The following PLCG2 variants were observed in gnomAD, a reference collection of about 807,000 sequenced individuals.
PLCG2 encodes the protein 1-phosphatidylinositol 4,5-bisphosphate phosphodiesterase gamma-2.
Under a neutral mutation model 175.6 loss-of-function variants are expected in PLCG2, and 69 were observed. That is an observed-to-expected ratio of 0.39 (90% CI 0.32 to 0.48). The LOEUF is 0.48. Among genes scored for constraint, PLCG2 ranks in the 20% least tolerant of loss-of-function variants. PLCG2 has a pLI of 0.91. For synonymous variants in PLCG2, 827 were observed against 624.0 expected, an observed-to-expected ratio of 1.33 and a Z score of -4.85; for missense variants, 1,798 against 1,650.9, an observed-to-expected ratio of 1.09 and a Z score of -1.54.
chr16:81,868,514 C>T (rs952938617), intron 5 of PLCG2, among the ~76,000 whole-genome samples: 1 of 152,190 alleles, frequency 6.6e-6, no homozygotes, highest in African/African-American at 2.4e-5. Flanking sequence ...TTTGGTTCCT[C>T]TGGGTGGCAG....
upstream of PLCG2, among the ~76,000 whole-genome samples, chr16:81,775,675 C>T (rs1020959551): frequency 3.3e-5 from 5 of 152,148 alleles, no homozygotes; most frequent in African/African-American, 9.7e-5. Flanking sequence ...CATTTGTATG[C>T]CCAAGGACTG....
intron 31 of PLCG2, among the ~76,000 whole-genome samples, chr16:81,950,584 T>C (rs1911327583): frequency 6.6e-6 from 1 of 152,252 alleles, no homozygotes; most frequent in African/African-American, 2.4e-5. Flanking sequence ...TATTTTCTTC[T>C]GTCTCAAACT....
intron 6 of PLCG2, among the ~76,000 whole-genome samples, chr16:81,870,647 C>T (rs562519515): frequency 6.6e-5 from 10 of 152,204 alleles, no homozygotes; most frequent in African/African-American, 2.2e-4. Context: ...TGATTTTAGC[C>T]AATGTTGTAG....
At chr16:81,938,780 T>A in intron 28 of PLCG2, 21 bp from the exon 29 acceptor site, 1 of 1,511,812 alleles carries the variant, frequency 6.6e-7, no homozygotes, top group Non-Finnish European at 9.2e-7. Flanking sequence ...GGGGTTCCAA[T>A]GCTTCCCTTT....
chr16:81,875,521 T>C lies in PLCG2; in HGVS notation c.648+4586T>C, dbSNP rs111241223. 4.9e-3 allele frequency among the ~76,000 whole-genome samples: 745 copies of C among 152,286 alleles called. 7 individuals are homozygous for C. Among genetic ancestry groups the C allele is most frequent in the African/African-American group, 0.017 (712 of 41,570 alleles). ...GTAAAGCATATAGAAGTAGAGAGAA[T>C]AGCGTAACAGACCCCCATGTATCAT... On this transcript the variant is annotated intron_variant, in intron 7 of 32. Coordinates refer to ENST00000564138, the MANE Select transcript of PLCG2 (RefSeq NM_002661.5).
At chr16:81,885,366 G>A (rs370733999) in intron 9 of PLCG2, among the ~76,000 whole-genome samples, 2 of 152,076 alleles carry the variant, frequency 1.3e-5, no homozygotes, top group East Asian at 3.9e-4. Context: ...ATTTCCCCAT[G>A]TTGCTCAGGC....
At chr16:81,768,517 A>G (rs367873921) in intron 2 of PLCG2, among the ~76,000 whole-genome samples, 3 of 144,150 alleles carry the variant, frequency 2.1e-5, no homozygotes, top group Non-Finnish European at 4.5e-5. Context: ...CCACCAGTGG[A>G]TCCACATCCT....
chr16:81,783,491 T>G (rs1340467554), intron 1 of PLCG2, among the ~76,000 whole-genome samples: 1 of 152,136 alleles, frequency 6.6e-6, no homozygotes, highest in African/African-American at 2.4e-5. Context: ...GGCAAATCAG[T>G]TAATATCTGG....
intron 6 of PLCG2, 77 bp downstream of exon 6, chr16:81,869,375 T>A: frequency 9.7e-7 from 1 of 1,032,550 alleles, no homozygotes; most frequent in Non-Finnish European, 1.5e-6. Context: ...GTGGCTTGCC[T>A]TTGAGTTCCG....
intron 28 of PLCG2, chr16:81,938,598 G>C: frequency 1.7e-6 from 1 of 576,398 alleles, no homozygotes; most frequent in Non-Finnish European, 3.1e-6. Flanking sequence ...CCGAGACCCA[G>C]GCTGATGCTG....
chr16:81,954,075 T>G (rs1259377688), intron 31 of PLCG2, among the ~76,000 whole-genome samples: 2 of 152,124 alleles, frequency 1.3e-5, no homozygotes, highest in Admixed American at 1.3e-4. Flanking sequence ...CAGGCTGGAG[T>G]ACAGTGGCAT....
chr16:81,943,930 T>A (rs1377123023), intron 30 of PLCG2, among the ~76,000 whole-genome samples: 1 of 152,202 alleles, frequency 6.6e-6, no homozygotes, highest in Admixed American at 6.5e-5. Flanking sequence ...AAAGGATGGA[T>A]GCTCTCAAAC....
intron 7 of PLCG2, among the ~76,000 whole-genome samples, chr16:81,877,875 C>G (rs1907882067): frequency 6.6e-6 from 1 of 150,782 alleles, no homozygotes. Context: ...CGCTCCTTGG[C>G]TTGTAGATGT....
At chr16:81,935,158 A>G (rs1303973121) in intron 26 of PLCG2, among the ~76,000 whole-genome samples, 1 of 152,200 alleles carries the variant, frequency 6.6e-6, no homozygotes, top group Non-Finnish European at 1.5e-5. Context: ...CATGAGGTCA[A>G]CATCAGGGTG....
At chr16:81,845,727 ATC>A (rs1906081257) in intron 2 of PLCG2, among the ~76,000 whole-genome samples, 1 of 152,242 alleles carries the variant, frequency 6.6e-6, no homozygotes, top group African/African-American at 2.4e-5. Context: ...TAGTGGGATC[ATC>A]ATTCACCAAG....
intron 2 of PLCG2, among the ~76,000 whole-genome samples, chr16:81,792,479 TCAAAAAAAA>T (rs1476684130): frequency 1.2e-4 from 1 of 8,430 alleles, no homozygotes; most frequent in African/African-American, 7.2e-4. Flanking sequence ...AGGCTCTGTC[TCAAAAAAAA>T]AAAAAAAAAA....
At chr16:81,830,474 T>A (rs1294763327) in intron 2 of PLCG2, among the ~76,000 whole-genome samples, 7 of 152,050 alleles carry the variant, frequency 4.6e-5, no homozygotes, top group Admixed American at 3.3e-4. Flanking sequence ...CACTGGCTAA[T>A]TTTTGTATTT....
intron 26 of PLCG2, 79 bp from the exon 27 acceptor site, chr16:81,936,090 A>G (rs1910698748): frequency 2.6e-6 from 4 of 1,564,518 alleles, no homozygotes; most frequent in Non-Finnish European, 3.5e-6. Context: ...TAATCTGAGC[A>G]TCCAGCCATT....
At chr16:81,754,083 C>G (rs1268469412) in intron 1 of PLCG2, among the ~76,000 whole-genome samples, 1 of 152,030 alleles carries the variant, frequency 6.6e-6, no homozygotes, top group Non-Finnish European at 1.5e-5. Context: ...GAAAGGACTT[C>G]GCTCCTTGGT....
Sources: allele counts gnomAD v4.1 joint callset (sites outside exome capture counted in the v4.1 genomes callset), GRCh38; gene constraint gnomAD v4.1.1; transcripts MANE v1.5; gene names NCBI Gene and HGNC (gene_info 2026-07-23, HGNC 2026-07-21).